The following BRIP1 variants were observed in gnomAD, a reference collection of about 807,000 sequenced individuals.
The protein encoded by BRIP1 is Fanconi anemia group J protein.
Under a neutral mutation model 119.7 loss-of-function variants are expected in BRIP1, and 88 were observed. The ratio of observed to expected loss-of-function variants is 0.74; its 90% CI spans 0.62 to 0.88. The LOEUF (loss-of-function observed/expected upper bound fraction) is 0.88. Ranked by LOEUF, BRIP1 falls within the 40% of genes least tolerant of loss-of-function variation. The pLI is 0.00. For synonymous variants in BRIP1, 443 were observed against 496.5 expected (o/e 0.89, Z 1.43); for missense variants, 1,259 against 1,455.4 (o/e 0.87, Z 2.20).
At position 61,683,005 on chromosome 17, in the gene BRIP1, A is replaced by ACC; in HGVS notation, c.*289_*290dup. The stretch of plus-strand genomic sequence containing the variant: ...AAACTAGCTGGGCATGGTGGTGCAC[A>ACC]CCTGTAGTCCCAGCTACTCAGAAGG... On this transcript the variant is annotated 3_prime_UTR_variant, in exon 20 of 20. Transcript: ENST00000259008. The surrounding 1 kb of genome is among the most constrained non-coding windows in gnomAD (Gnocchi z 4.7). 2.8e-6 allele frequency: 1 copy of ACC among 358,908 alleles called. No homozygotes were observed. Among genetic ancestry groups the ACC allele is most frequent in the African/African-American group, 2.1e-5 (1 of 47,140 alleles). The allele number at this position is 358,908 out of a possible 1,614,324, so 22.2% of individuals were successfully genotyped here.
intron 16 of BRIP1, among the ~76,000 whole-genome samples, chr17:61,723,075 T>C (rs980588057): frequency 6.6e-6 from 1 of 152,154 alleles, no homozygotes; most frequent in Non-Finnish European, 1.5e-5. Flanking sequence ...CACAGTTAAT[T>C]GGAAAAAGCA....
chr17:61,703,960 AG>A lies in BRIP1; in HGVS notation c.2493-10449del, dbSNP rs1363242162. Among the ~76,000 whole-genome samples, 1 of 152,126 alleles carries A rather than the reference AG, an allele frequency of 6.6e-6. No individual in the cohort carries two copies. The highest frequency in any genetic ancestry group is 1.5e-5 in the Non-Finnish European group (1 of 68,024). On this transcript the variant is annotated intron_variant, in intron 17 of 19. Coordinates refer to ENST00000259008, the MANE Select transcript of BRIP1 (RefSeq NM_032043.3). The surrounding 1 kb of genome is among the most constrained non-coding windows in gnomAD (Gnocchi z 5.0). Reference sequence around the variant, plus strand: ...TCTGATGTTTAGAACAGTATTTCCTAGGTTTTCTTCTAGGATTTTTATAGTT... The same window carrying A: ...TCTGATGTTTAGAACAGTATTTCCTAGTTTTCTTCTAGGATTTTTATAGTT...
Position 61,861,183 on chromosome 17 carries a change from A to T in BRIP1, c.93+264T>A, listed in dbSNP as rs2078967847. Among the ~76,000 whole-genome samples the T allele has an allele frequency of 6.6e-6, 1 of 152,210 alleles. No homozygotes were observed. The highest frequency in any genetic ancestry group is 2.4e-5 in the African/African-American group (1 of 41,458). On this transcript the variant is annotated intron_variant, in intron 2 of 19. Coordinates refer to ENST00000259008, the MANE Select transcript of BRIP1 (RefSeq NM_032043.3). The surrounding 1 kb of genome is among the most constrained non-coding windows in gnomAD (Gnocchi z 4.5). Reference sequence around the variant, plus strand: ...GATAGTAAATACTCTGTTTTTACTTAAAAGTATAGCAGTTTTTCATTAAAA... The same window carrying T: ...GATAGTAAATACTCTGTTTTTACTTTAAAGTATAGCAGTTTTTCATTAAAA...
intron 14 of BRIP1, among the ~76,000 whole-genome samples, chr17:61,747,209 G>A (rs747350526): frequency 1.8e-4 from 28 of 151,986 alleles, no homozygotes; most frequent in African/African-American, 6.0e-4. Context: ...AGTTTATAGC[G>A]GTAATGCCAA....
At position 61,803,622 on chromosome 17, in the gene BRIP1, CA is replaced by C. The variant is rs918423193; in HGVS notation, c.919-2149del. On this transcript the variant is annotated intron_variant, in intron 7 of 19. Transcript: ENST00000259008. The surrounding 1 kb of genome is among the most constrained non-coding windows in gnomAD (Gnocchi z 4.3). ...TGGGCAACAGAGTGAGATCCTGTCT[CA>C]AAAAAAAATACTCATTATGTGCATT... Among the ~76,000 whole-genome samples, 9 of 149,376 alleles carry C rather than the reference CA, an allele frequency of 6.0e-5. No individual in the cohort carries two copies. The highest frequency in any genetic ancestry group is 1.2e-4 in the African/African-American group (5 of 40,642).
Position 61,807,006 on chromosome 17 carries a change from C to T in BRIP1, c.918+1461G>A, listed in dbSNP as rs2078084109. On this transcript the variant is annotated intron_variant, in intron 7 of 19. Coordinates refer to ENST00000259008, the MANE Select transcript of BRIP1 (RefSeq NM_032043.3). This position sits in a 1 kb window ranked among gnomAD's most constrained non-coding sequence, Gnocchi z 4.5. ...TCAGGCCCAGCCAATGTATTTTTTA[C>T]AAATACATAATTAATTTCCCCAATA... 6.6e-6 allele frequency among the ~76,000 whole-genome samples: 1 copy of T among 152,030 alleles called. No individual in the cohort carries two copies. Among genetic ancestry groups the T allele is most frequent in the South Asian group, 2.1e-4 (1 of 4,826 alleles).
At chr17:61,772,130 C>A (rs2077457439) in intron 14 of BRIP1, among the ~76,000 whole-genome samples, 1 of 135,868 alleles carries the variant, frequency 7.4e-6, no homozygotes, top group African/African-American at 2.8e-5. Flanking sequence ...TACCCATCGA[C>A]AGATGAATGG....
intron 14 of BRIP1, among the ~76,000 whole-genome samples, chr17:61,771,829 G>A (rs2077452468): frequency 6.6e-6 from 1 of 151,970 alleles, no homozygotes; most frequent in South Asian, 2.1e-4. Flanking sequence ...AGACATGTTG[G>A]CGGACACCTG....
rs1217462270 is a variant in BRIP1, at chr17:61,798,132, A to G, written c.1340+968T>C. Among the ~76,000 whole-genome samples the G allele has an allele frequency of 6.6e-6, 1 of 152,036 alleles. No homozygotes were observed. The highest frequency in any genetic ancestry group is 1.9e-4 in the East Asian group (1 of 5,198). On this transcript the variant is annotated intron_variant, in intron 9 of 19. Transcript: ENST00000259008. This position sits in a 1 kb window ranked among gnomAD's most constrained non-coding sequence, Gnocchi z 5.5. ...GCAGTTTAAGAGCAAAAAACTAGAA[A>G]CAACCTCCTCTATTAATCAGAGGCT...
In BRIP1 at chr17:61,691,703, C is replaced by T. The variant is rs2061449046; in HGVS notation, c.2575+1727G>A. Among the ~76,000 whole-genome samples the T allele has an allele frequency of 6.6e-6, 1 of 152,224 alleles. No homozygotes were observed. The highest frequency in any genetic ancestry group is 2.1e-4 in the South Asian group (1 of 4,830). On this transcript the variant is annotated intron_variant, in intron 18 of 19. Transcript: ENST00000259008. The surrounding 1 kb of genome is among the most constrained non-coding windows in gnomAD (Gnocchi z 5.0). ...ACTCCTGACCTCGTGATCCACCTGCCTTGGCCTCCCAAAACACTGGGATTA... is the reference window on the plus strand; with the variant it reads ...ACTCCTGACCTCGTGATCCACCTGCTTTGGCCTCCCAAAACACTGGGATTA...
rs114618387 is a variant in BRIP1, at chr17:61,849,341, G to A, written c.380-85C>T. On this transcript the variant is annotated intron_variant, in intron 4 of 19. Transcript: ENST00000259008. ...GAAGAAAACTGGAACCAGGATGTAA[G>A]GCTTATTTCTAGAAATTTCATACCA... The A allele has an allele frequency of 4.8e-4, 556 of 1,164,040 alleles. 2 individuals carry two copies. The African/African-American group carries it at 7.7e-3, about 16-fold the overall frequency. 72.1% of individuals were successfully genotyped at this position (1,164,040 alleles called of 1,614,324 possible). A position where few individuals can be genotyped will look rare whatever the true frequency, so the allele number is the denominator to read the frequency against.
Position 61,695,173 on chromosome 17 carries a change from T to C in BRIP1, c.2493-1661A>G, listed in dbSNP as rs2061503120. 6.6e-6 allele frequency among the ~76,000 whole-genome samples: 1 copy of C among 152,042 alleles called. No homozygotes were observed. Among genetic ancestry groups the C allele is most frequent in the Non-Finnish European group, 1.5e-5 (1 of 67,944 alleles). Reference sequence around the variant, plus strand: ...TCCACTTTGAGTTAACTTTTGTATATGGTGTGAGGTAGGAGTCTAATTTCA... The same window carrying C: ...TCCACTTTGAGTTAACTTTTGTATACGGTGTGAGGTAGGAGTCTAATTTCA... On this transcript the variant is annotated intron_variant, in intron 17 of 19. Transcript: ENST00000259008. The surrounding 1 kb of genome is among the most constrained non-coding windows in gnomAD (Gnocchi z 4.3).
rs934108109 is a variant in BRIP1, at chr17:61,825,296, AAAAAGAAAAG to A, written c.628-16549_628-16540del. Among the ~76,000 whole-genome samples the A allele has an allele frequency of 7.2e-5, 11 of 151,956 alleles. No individual in the cohort carries two copies. The South Asian group carries it at 8.3e-4, about 11-fold the overall frequency. The stretch of plus-strand genomic sequence containing the variant: ...CAAGACTCTGTCTCAAAACGAAAAA[AAAAAGAAAAG>A]AAAAGAAAAGAAAAGGAAGCCCTCT... On this transcript the variant is annotated intron_variant, in intron 6 of 19. Coordinates refer to ENST00000259008, the MANE Select transcript of BRIP1 (RefSeq NM_032043.3). The surrounding 1 kb of genome is among the most constrained non-coding windows in gnomAD (Gnocchi z 4.1).
In BRIP1 at chr17:61,848,452, T is replaced by A. The variant is rs540242798; in HGVS notation, c.507+677A>T. 6.6e-6 allele frequency among the ~76,000 whole-genome samples: 1 copy of A among 152,122 alleles called. No homozygotes were observed. The highest frequency in any genetic ancestry group is 6.5e-5 in the Admixed American group (1 of 15,284). On this transcript the variant is annotated intron_variant, in intron 5 of 19. Coordinates refer to ENST00000259008, the MANE Select transcript of BRIP1 (RefSeq NM_032043.3). This position sits in a 1 kb window ranked among gnomAD's most constrained non-coding sequence, Gnocchi z 4.3. The stretch of plus-strand genomic sequence containing the variant: ...GTCTCAAACTGCTGGACTCAAGAGA[T>A]CCTCCCACCTCAGCCTCCCAGAGTG...
At chr17:61,721,221 T>C (rs1427258388) in intron 16 of BRIP1, among the ~76,000 whole-genome samples, 1 of 151,346 alleles carries the variant, frequency 6.6e-6, no homozygotes, top group Non-Finnish European at 1.5e-5. Context: ...AGCTTTCAAA[T>C]TGGGAGGTCA....
rs1333893422 is a variant in BRIP1, at chr17:61,842,178, G to T, written c.627+4923C>A. On this transcript the variant is annotated intron_variant, in intron 6 of 19. Transcript: ENST00000259008. This position sits in a 1 kb window ranked among gnomAD's most constrained non-coding sequence, Gnocchi z 5.1. Reference sequence around the variant, plus strand: ...GGAAGATATTAAGTGAAATAAGTCAGGCATAGGCAGGTAAGTACTGTATGT... The same window carrying T: ...GGAAGATATTAAGTGAAATAAGTCATGCATAGGCAGGTAAGTACTGTATGT... 6.6e-6 allele frequency among the ~76,000 whole-genome samples: 1 copy of T among 152,118 alleles called. No individual in the cohort carries two copies. The highest frequency in any genetic ancestry group is 1.5e-5 in the Non-Finnish European group (1 of 68,032).
At position 61,681,826 on chromosome 17, in the gene BRIP1, A is replaced by AC; in HGVS notation, c.*1469dup. On this transcript the variant is annotated 3_prime_UTR_variant, in exon 20 of 20. Coordinates refer to ENST00000259008, the MANE Select transcript of BRIP1 (RefSeq NM_032043.3). The surrounding 1 kb of genome is among the most constrained non-coding windows in gnomAD (Gnocchi z 5.1). ...TGTCTCAAAATGGAAGCAAAGACAT[A>AC]CCTATATAATGATTCATTTATCCAA... 1 of 197,648 alleles carries AC rather than the reference A, an allele frequency of 5.1e-6. No homozygotes were observed. The highest frequency in any genetic ancestry group is 6.1e-5 in the Admixed American group (1 of 16,510). 12.2% of individuals were successfully genotyped at this position (197,648 alleles called of 1,614,324 possible). A position where few individuals can be genotyped will look rare whatever the true frequency, so the allele number is the denominator to read the frequency against.
intron 13 of BRIP1, among the ~76,000 whole-genome samples, chr17:61,779,784 C>T (rs2077586071): frequency 6.6e-6 from 1 of 152,050 alleles, no homozygotes; most frequent in South Asian, 2.1e-4. Context: ...GCTGAAACCC[C>T]ATCTCTACCA....
Position 61,815,990 on chromosome 17 carries a change from C to T in BRIP1, c.628-7233G>A, listed in dbSNP as rs1027272510. ...AGATAGCAAAAGTAACATAACTATA[C>T]CTTTTCAACTATTCTTTTTTTAAAA... is the stretch of plus-strand genomic sequence containing the variant. On this transcript the variant is annotated intron_variant, in intron 6 of 19. Coordinates refer to ENST00000259008, the MANE Select transcript of BRIP1 (RefSeq NM_032043.3). The surrounding 1 kb of genome is among the most constrained non-coding windows in gnomAD (Gnocchi z 4.1). Among the ~76,000 whole-genome samples, 7 of 152,150 alleles carry T rather than the reference C, an allele frequency of 4.6e-5. No homozygotes were observed. The highest frequency in any genetic ancestry group is 1.2e-4 in the African/African-American group (5 of 41,436).
Sources: gnomAD v4.1 joint callset for allele counts (sites outside exome capture counted in the v4.1 genomes callset) on GRCh38, gnomAD v4.1.1 for gene constraint, Gnocchi (gnomAD v3.1) non-coding constraint, MANE v1.5 for transcripts, NCBI Gene and HGNC (gene_info 2026-07-23, HGNC 2026-07-21) for gene names.